Variants in DOCK8 observed in about 807,000 individuals in gnomAD.
DOCK8 encodes dedicator of cytokinesis protein 8.
A neutral mutation model predicts 245.6 loss-of-function variants in DOCK8; 141 were observed. That is an observed-to-expected ratio of 0.57 (90% CI 0.50 to 0.66). The LOEUF is 0.66. Ranked by LOEUF, DOCK8 falls within the 30% of genes least tolerant of loss-of-function variation. The pLI, the probability that DOCK8 is intolerant of heterozygous loss-of-function variation, is 0.00. For synonymous variants in DOCK8, 1,168 were observed against 970.2 expected (o/e 1.20, Z -3.79); for missense variants, 2,965 against 2,603.4 (o/e 1.14, Z -3.02).
At chr9:310,040 G>A (rs1322646971) in intron 5 of DOCK8, among the ~76,000 whole-genome samples, 1 of 152,074 alleles carries the variant, frequency 6.6e-6, no homozygotes, top group African/African-American at 2.4e-5. Context: ...GGCCAAGACA[G>A]GTGGATCACT....
At chr9:320,005 A>T (rs932222553) in intron 7 of DOCK8, among the ~76,000 whole-genome samples, 1 of 152,182 alleles carries the variant, frequency 6.6e-6, no homozygotes, top group Non-Finnish European at 1.5e-5. Context: ...ATTCTGGTTG[A>T]GTAGGTCTCA....
At chr9:448,192 G>A (rs1000169640) in intron 44 of DOCK8, among the ~76,000 whole-genome samples, 1 of 152,030 alleles carries the variant, frequency 6.6e-6, no homozygotes. Context: ...TCCTGGGCTC[G>A]AGCAATTTTC....
At chr9:264,772 G>C (rs1258405980) in intron 1 of DOCK8, among the ~76,000 whole-genome samples, 2 of 152,226 alleles carry the variant, frequency 1.3e-5, no homozygotes, top group South Asian at 2.1e-4. Flanking sequence ...AAAAGCCTTA[G>C]ATTTCTTTTA....
At chr9:408,888 G>GCA (rs1322073009) in intron 28 of DOCK8, among the ~76,000 whole-genome samples, 22 of 105,262 alleles carry the variant, frequency 2.1e-4, no homozygotes, top group Admixed American at 2.9e-4. Flanking sequence ...ACACACACAC[G>GCA]CACACACGCG....
intron 26 of DOCK8, among the ~76,000 whole-genome samples, chr9:400,189 A>T (rs2054777148): frequency 9.8e-6 from 1 of 101,710 alleles, no homozygotes; most frequent in Non-Finnish European, 2.0e-5. Context: ...CACCTCCTTC[A>T]CCATCACCAT....
chr9:311,607 T>C (rs17721433), intron 5 of DOCK8, among the ~76,000 whole-genome samples: 1 of 151,940 alleles, frequency 6.6e-6, no homozygotes, highest in Non-Finnish European at 1.5e-5. Context: ...GTGTGAGACA[T>C]GAGCATGGTT....
chr9:416,960 C>T (rs755174444), intron 29 of DOCK8, among the ~76,000 whole-genome samples: 2 of 152,068 alleles, frequency 1.3e-5, no homozygotes, highest in African/African-American at 2.4e-5. Context: ...TTTATTTAAC[C>T]ATTTGTTTAA....
At chr9:348,461 C>A (rs1328886541) in intron 14 of DOCK8, among the ~76,000 whole-genome samples, 2 of 152,170 alleles carry the variant, frequency 1.3e-5, no homozygotes, top group Non-Finnish European at 2.9e-5. Flanking sequence ...ACCTAAAAGT[C>A]CTGCGGTCGG....
intron 24 of DOCK8, among the ~76,000 whole-genome samples, chr9:394,703 A>C (rs368724427): frequency 6.6e-6 from 1 of 152,250 alleles, no homozygotes; most frequent in African/African-American, 2.4e-5. Flanking sequence ...GAAGTTCCAC[A>C]TTAAGGGGTT....
At chr9:395,172 A>G (rs1259279019) in intron 24 of DOCK8, among the ~76,000 whole-genome samples, 1 of 152,164 alleles carries the variant, frequency 6.6e-6, no homozygotes, top group African/African-American at 2.4e-5. Flanking sequence ...CTTGTGGGAT[A>G]TGAAGCCATC....
intron 5 of DOCK8, among the ~76,000 whole-genome samples, chr9:310,970 G>GAT (rs1225427256): frequency 6.6e-6 from 1 of 151,832 alleles, no homozygotes; most frequent in Non-Finnish European, 1.5e-5. Context: ...GATCATATTA[G>GAT]ATAGCAGCCA....
At chr9:325,188 A>T (rs1030261193) in intron 7 of DOCK8, among the ~76,000 whole-genome samples, 1 of 152,210 alleles carries the variant, frequency 6.6e-6, no homozygotes, top group Non-Finnish European at 1.5e-5. Flanking sequence ...TAGTGTATAG[A>T]TACCACATTT....
intron 39 of DOCK8, among the ~76,000 whole-genome samples, chr9:437,099 A>C (rs1336598896): frequency 4.6e-5 from 7 of 152,222 alleles, no homozygotes; most frequent in Non-Finnish European, 8.8e-5. Flanking sequence ...GACATACCAA[A>C]TCAATTTGGA....
rs2050142693 is a variant in DOCK8, at chr9:312,074, G to C, written c.649G>C (p.Val217Leu). The change falls in exon 6 of 48, where the codon GTG becomes CTG. Residue 217 changes from valine (V) to leucine (L), a missense_variant. Coordinates refer to ENST00000432829, the MANE Select transcript of DOCK8 (RefSeq NM_203447.4). The part of the protein sequence containing the change: ...DKRLENLLQQ[V>L]SAEDFEKQNE... ...GCGGCTAGAAAACCTCCTGCAGCAA[G>C]TGAGTGCCGAGGACTTTGAGAAGCA... 6.2e-7 allele frequency: 1 copy of C among 1,614,122 alleles called. No homozygotes were observed.
At chr9:262,539 G>T (rs2047942404) in intron 1 of DOCK8, among the ~76,000 whole-genome samples, 1 of 150,332 alleles carries the variant, frequency 6.7e-6, no homozygotes, top group Admixed American at 6.7e-5. Context: ...TAGATGGATT[G>T]CAAAATGATT....
intron 26 of DOCK8, among the ~76,000 whole-genome samples, chr9:400,970 TCCACCATCA>T (rs2055034561): frequency 1.1e-5 from 1 of 89,344 alleles, no homozygotes; most frequent in Non-Finnish European, 2.4e-5. Flanking sequence ...CACCACCTCC[TCCACCATCA>T]CCACCTCCTC....
rs1187568153 is a variant in DOCK8 at position 405,104 on chromosome 9, T to TATTC, written c.3390+33_3390+36dup. Reference sequence around the variant, plus strand: ...AAAAGAATTATTTAACTAAAAGAATTATTCAAGCTATTTCATTTAACTAGC... The same window carrying TATTC: ...AAAAGAATTATTTAACTAAAAGAATTATTCATTCAAGCTATTTCATTTAACTAGC... On this transcript the variant is annotated intron_variant, in intron 27 of 47. Coordinates refer to ENST00000432829, the MANE Select transcript of DOCK8 (RefSeq NM_203447.4). 4 of 1,589,280 alleles carry TATTC rather than the reference T, an allele frequency of 2.5e-6. No individual in the cohort carries two copies. The South Asian group carries it at 4.4e-5, about 18-fold the overall frequency.
chr9:273,239 C>A (rs1342511209), intron 2 of DOCK8: 2 of 499,218 alleles, frequency 4.0e-6, no homozygotes, highest in African/African-American at 4.2e-5. Context: ...TTCAGAAAAT[C>A]TACTTATGAC....
At chr9:313,540 TTATA>T (rs1396234172) in intron 6 of DOCK8, among the ~76,000 whole-genome samples, 1 of 152,210 alleles carries the variant, frequency 6.6e-6, no homozygotes, top group Non-Finnish European at 1.5e-5. Flanking sequence ...ATTATCTCAC[TTATA>T]TATAGAATCT....
Sources: allele counts gnomAD v4.1 joint callset (sites outside exome capture counted in the v4.1 genomes callset), GRCh38; gene constraint gnomAD v4.1.1; transcripts MANE v1.5; gene names NCBI Gene and HGNC (gene_info 2026-07-23, HGNC 2026-07-21).